TRAPPC13: variants seen among roughly 807,000 people sequenced by gnomAD.
TRAPPC13 encodes the protein trafficking protein particle complex subunit 13.
Under a neutral mutation model 54.0 loss-of-function variants are expected in TRAPPC13, and 39 were observed. The observed-to-expected ratio is 0.72, with a 90% CI of 0.56 to 0.94. TRAPPC13 has a LOEUF of 0.94. TRAPPC13 is among the 40% of genes least tolerant of loss of function. The pLI, the probability that TRAPPC13 is intolerant of heterozygous loss-of-function variation, is 0.00. For missense variants in TRAPPC13, 386 were observed against 488.1 expected, an observed-to-expected ratio of 0.79 and a Z score of 1.97; for synonymous variants, 148 against 167.7, an observed-to-expected ratio of 0.88 and a Z score of 0.91.
In TRAPPC13 at chr5:65,632,340, G is replaced by A. The variant is rs186020642; in HGVS notation, c.47-2961G>A. On this transcript the variant is annotated intron_variant, in intron 1 of 12. Coordinates refer to ENST00000399438, the MANE Select transcript of TRAPPC13 (RefSeq NM_024941.4). ...AGGGCACCTTTTTATCTGTTTTCAG[G>A]GCACCTTTTTCTCTGTTTTCGTAGT... Among the ~76,000 whole-genome samples, 258 of 152,114 alleles carry A rather than the reference G, an allele frequency of 1.7e-3. 1 individual carries two copies. Among genetic ancestry groups the A allele is most frequent in the African/African-American group, 5.9e-3 (245 of 41,484 alleles).
intron 1 of TRAPPC13, among the ~76,000 whole-genome samples, chr5:65,626,832 A>C (rs1265924976): frequency 1.3e-5 from 2 of 151,898 alleles, no homozygotes; most frequent in African/African-American, 4.8e-5. Flanking sequence ...AAAACCAAGG[A>C]TACCTAAGAA....
intron 5 of TRAPPC13, among the ~76,000 whole-genome samples, chr5:65,649,899 C>T (rs1488527721): frequency 1.3e-5 from 2 of 148,734 alleles, no homozygotes; most frequent in Non-Finnish European, 3.0e-5. Flanking sequence ...CTCTGTCGCC[C>T]AGACTGGAGT....
chr5:65,649,018 C>G (rs1391083517), intron 5 of TRAPPC13, among the ~76,000 whole-genome samples: 1 of 151,990 alleles, frequency 6.6e-6, no homozygotes, highest in East Asian at 1.9e-4. Context: ...GAGCTCAAGA[C>G]CAGCCTGGGA....
rs1756248453 is a variant in TRAPPC13, at chr5:65,647,200, T to G, written c.428+18T>G. 6.4e-7 allele frequency: 1 copy of G among 1,562,298 alleles called. No individual in the cohort carries two copies. The highest frequency in any genetic ancestry group is 1.4e-5 in the African/African-American group (1 of 73,346). ...ACACACATGTAAGGATTAATTTTAT[T>G]AGTTCTCAAAGGTTTTTACTTATAT... On this transcript the variant is annotated intron_variant, in intron 5 of 12. Coordinates refer to ENST00000399438, the MANE Select transcript of TRAPPC13 (RefSeq NM_024941.4).
intron 1 of TRAPPC13, chr5:65,625,341 C>A (rs1755160386): frequency 6.7e-6 from 3 of 445,188 alleles, no homozygotes; most frequent in Non-Finnish European, 1.2e-5. Flanking sequence ...TGTGCTGCTT[C>A]AGTCACGAGA....
In TRAPPC13 at chr5:65,650,894, G is replaced by T; in HGVS notation, c.501+12G>T. ...TCTTCAAATTTCAGGTATTGAATAT[G>T]ACAATGGTAAATAGTTTTTATATGC... On this transcript the variant is annotated intron_variant, in intron 6 of 12. Coordinates refer to ENST00000399438, the MANE Select transcript of TRAPPC13 (RefSeq NM_024941.4). 2 of 1,588,538 alleles carry T rather than the reference G, an allele frequency of 1.3e-6. No individual in the cohort carries two copies. Among genetic ancestry groups the T allele is most frequent in the South Asian group, 2.2e-5 (2 of 90,300 alleles).
At chr5:65,636,943 A>G (rs1471279420) in intron 3 of TRAPPC13, among the ~76,000 whole-genome samples, 1 of 152,218 alleles carries the variant, frequency 6.6e-6, no homozygotes, top group Non-Finnish European at 1.5e-5. Flanking sequence ...AAATAAAACC[A>G]CTGGTGATTT....
At chr5:65,626,309 C>T (rs1324313093) in intron 1 of TRAPPC13, 3 of 152,268 alleles carry the variant, frequency 2.0e-5, no homozygotes, top group East Asian at 1.9e-4. Context: ...CCTCTCTTTC[C>T]AAGAGTCCGT....
rs1755157744 is a variant in TRAPPC13 at position 65,625,279 on chromosome 5, TG to T, written c.46+176del. The T allele has an allele frequency of 8.1e-6, 5 of 617,736 alleles. No homozygotes were observed. The African/African-American group carries it at 9.3e-5, about 11-fold the overall frequency. The allele number at this position is 617,736 out of a possible 1,614,324, so 38.3% of individuals were successfully genotyped here. ...TTCTCCTGGATGCTTTTTAGGTTTA[TG>T]GGCCCCTTTCTAGAACGAAATAGAT... is the stretch of plus-strand genomic sequence containing the variant. On this transcript the variant is annotated intron_variant, in intron 1 of 12. Coordinates refer to ENST00000399438, the MANE Select transcript of TRAPPC13 (RefSeq NM_024941.4).
chr5:65,628,082 G>A (rs1755333500), intron 1 of TRAPPC13, among the ~76,000 whole-genome samples: 1 of 152,130 alleles, frequency 6.6e-6, no homozygotes, highest in Non-Finnish European at 1.5e-5. Flanking sequence ...GGCTCTTACA[G>A]CTTTGGGCCT....
chr5:65,642,484 T>C (rs1295994247), intron 4 of TRAPPC13, among the ~76,000 whole-genome samples: 1 of 152,210 alleles, frequency 6.6e-6, no homozygotes, highest in Non-Finnish European at 1.5e-5. Context: ...TTCTATTCTC[T>C]TTAAGTTGTG....
At chr5:65,626,604 C>T (rs1429813277) in intron 1 of TRAPPC13, among the ~76,000 whole-genome samples, 1 of 151,934 alleles carries the variant, frequency 6.6e-6, no homozygotes, top group Non-Finnish European at 1.5e-5. Flanking sequence ...GGCGTGGTGG[C>T]GGGCGCCTGT....
At chr5:65,649,092 T>G (rs985742885) in intron 5 of TRAPPC13, among the ~76,000 whole-genome samples, 3 of 152,120 alleles carry the variant, frequency 2.0e-5, no homozygotes, top group Non-Finnish European at 4.4e-5. Flanking sequence ...AGAGCATGCC[T>G]GTAGTCTCAG....
rs1482626493 is a variant in TRAPPC13 at position 65,658,513 on chromosome 5, T to C, written c.698+12T>C. On this transcript the variant is annotated intron_variant, in intron 9 of 12. Coordinates refer to ENST00000399438, the MANE Select transcript of TRAPPC13 (RefSeq NM_024941.4). The stretch of plus-strand genomic sequence containing the variant: ...CAAGCTGGAGAATGGTAAATATTAA[T>C]TTATGAAGTCTTTATCCTTGTTTTG... 1 of 1,543,458 alleles carries C rather than the reference T, an allele frequency of 6.5e-7. No individual in the cohort carries two copies. Among genetic ancestry groups the C allele is most frequent in the East Asian group, 2.4e-5 (1 of 42,144 alleles).
chr5:65,636,144 C>CAT, intron 3 of TRAPPC13, 101 bp downstream of exon 3: 1 of 507,120 alleles, frequency 2.0e-6, no homozygotes, highest in Admixed American at 3.6e-5. Flanking sequence ...ATACATTTAC[C>CAT]TTTTTTTTTT....
At chr5:65,658,830 G>A (rs1396818254) in intron 9 of TRAPPC13, among the ~76,000 whole-genome samples, 1 of 151,578 alleles carries the variant, frequency 6.6e-6, no homozygotes, top group Non-Finnish European at 1.5e-5. Flanking sequence ...AGCAATTTTG[G>A]TGCATCAGCC....
Position 65,664,379 on chromosome 5 carries a change from C to A in TRAPPC13, c.1141C>A (p.Leu381Met). ...ALTLLSSVQG[L>M]QSISGLRLTD... ...TACTCTGCTTTCTTCAGTACAGGGA[C>A]TGCAAGTATGCTGTCTTTTCAAAAA... Residue 381 changes from leucine to methionine, a missense_variant, in exon 12 of 13, where the codon CTG becomes ATG. Physicochemically the swap from Leu to Met is conservative, Grantham distance 15 (BLOSUM62 2). Coordinates refer to ENST00000399438, the MANE Select transcript of TRAPPC13 (RefSeq NM_024941.4). 1 of 1,610,854 alleles carries A rather than the reference C, an allele frequency of 6.2e-7. No homozygotes were observed. Among genetic ancestry groups the A allele is most frequent in the Non-Finnish European group, 8.5e-7 (1 of 1,178,914 alleles).
At chr5:65,647,220 T>C (rs201346826) in intron 5 of TRAPPC13, 38 bp downstream of exon 5, 2 of 1,538,590 alleles carry the variant, frequency 1.3e-6, no homozygotes, top group Non-Finnish European at 1.7e-6. Flanking sequence ...AGGTTTTTAC[T>C]TATATATGCC....
In TRAPPC13 at chr5:65,635,971, A is replaced by G; in HGVS notation, c.143A>G (p.Asp48Gly). The change falls in exon 3 of 13, where the codon GAT becomes GGT. Residue 48 changes from aspartate to glycine, a missense_variant. By Grantham distance (94) the Asp-to-Gly change is moderately conservative. Coordinates refer to ENST00000399438, the MANE Select transcript of TRAPPC13 (RefSeq NM_024941.4). Reference sequence around the variant, plus strand: ...GATCTCTTTAACCAGCTGATGAGAGATGATCCTTCAACCGTTAATGGTGCA... The same window carrying G: ...GATCTCTTTAACCAGCTGATGAGAGGTGATCCTTCAACCGTTAATGGTGCA... ...PGDLFNQLMR[D>G]DPSTVNGAEV... The G allele has an allele frequency of 6.3e-7, 1 of 1,599,318 alleles. No homozygotes were observed. Among genetic ancestry groups the G allele is most frequent in the Non-Finnish European group, 8.5e-7 (1 of 1,172,074 alleles).
Sources: allele counts gnomAD v4.1 joint callset (sites outside exome capture counted in the v4.1 genomes callset), GRCh38; gene constraint gnomAD v4.1.1; transcripts MANE v1.5; gene names NCBI Gene and HGNC (gene_info 2026-07-23, HGNC 2026-07-21).